CNOT11: variants seen among roughly 807,000 people sequenced by gnomAD.
The protein encoded by CNOT11 is CCR4-NOT transcription complex subunit 11, also known as UPF0760 protein C2orf29.
Under a neutral mutation model 44.6 loss-of-function variants are expected in CNOT11, and 18 were observed. The observed-to-expected ratio is 0.40, with a 90% CI of 0.28 to 0.60. CNOT11 has a LOEUF of 0.60. Ranked by LOEUF, CNOT11 falls within the 20% of genes least tolerant of loss-of-function variation. The pLI, the probability that CNOT11 is intolerant of heterozygous loss-of-function variation, is 0.38. For missense variants in CNOT11, 513 were observed against 677.0 expected, an observed-to-expected ratio of 0.76 and a Z score of 2.69; for synonymous variants, 291 against 270.9, an observed-to-expected ratio of 1.07 and a Z score of -0.73.
chr2:101,258,479 C>T (rs891593586), intron 2 of CNOT11, among the ~76,000 whole-genome samples: 8 of 151,874 alleles, frequency 5.3e-5, no homozygotes, highest in African/African-American at 1.9e-4. Context: ...CATGTAAATT[C>T]ATTTGGAGTT....
chr2:101,262,808 G>GT, intron 3 of CNOT11, 117 bp downstream of exon 3: 1 of 784,876 alleles, frequency 1.3e-6, no homozygotes. Context: ...TTGTAATTTA[G>GT]TGTGAATCTT....
Position 101,253,672 on chromosome 2 carries a change from CT to C in CNOT11, c.514+196del, listed in dbSNP as rs1681678036. Among the ~76,000 whole-genome samples, 1 of 152,380 alleles carries C rather than the reference CT, an allele frequency of 6.6e-6. No individual in the cohort carries two copies. The highest frequency in any genetic ancestry group is 2.4e-5 in the African/African-American group (1 of 41,590). On this transcript the variant is annotated intron_variant, in intron 1 of 6. Transcript: ENST00000289382. This position sits in a 1 kb window ranked among gnomAD's most constrained non-coding sequence, Gnocchi z 4.3. ...ACTCTAAAGAATGGAGAGGTGGTAG[CT>C]TAATTGCAAGTTCGTGACACCGAAA...
chr2:101,262,714 A>G, intron 3 of CNOT11, 23 bp downstream of exon 3: 1 of 1,600,176 alleles, frequency 6.2e-7, no homozygotes, highest in African/African-American at 1.3e-5. Context: ...AAATTAATTT[A>G]TACTCTTTGT....
Position 101,257,824 on chromosome 2 carries a change from T to G in CNOT11, c.548T>G (p.Phe183Cys), listed in dbSNP as rs1254067351. 2 of 1,613,674 alleles carry G rather than the reference T, an allele frequency of 1.2e-6. No individual in the cohort carries two copies. Among genetic ancestry groups the G allele is most frequent in the Non-Finnish European group, 1.7e-6 (2 of 1,179,866 alleles). ...CCTCCTATAACTCCACCAGAAAAGTTTTTTCTTTCCCAGCTGATGCTGGCA... is the reference window on the plus strand; with the variant it reads ...CCTCCTATAACTCCACCAGAAAAGTGTTTTCTTTCCCAGCTGATGCTGGCA... ...FLPPITPPEK[F>C]FLSQLMLAPP... The change falls in exon 2 of 7, where the codon TTT (phenylalanine) becomes TGT (cysteine). Residue 183 changes from phenylalanine (F) to cysteine (C), a missense_variant. This residue lies in a region of CNOT11 where 259 missense variants were observed against 265.7 expected (regional missense o/e 0.97). Transcript: ENST00000289382.
At chr2:101,262,401 A>G in intron 2 of CNOT11, 138 bp from the exon 3 acceptor site, 1 of 717,708 alleles carries the variant, frequency 1.4e-6, no homozygotes, top group Non-Finnish European at 2.4e-6. Flanking sequence ...CTATACGTAC[A>G]GACATACACA....
chr2:101,266,669 G>T lies in CNOT11; in HGVS notation c.1036-8G>T. The T allele has an allele frequency of 3.7e-6, 6 of 1,610,326 alleles. No homozygotes were observed. The highest frequency in any genetic ancestry group is 5.1e-6 in the Non-Finnish European group (6 of 1,176,660). ...CTCTCTCTCTCTTTAAAAATCTGGT[G>T]TATTTAGCTACTTGGTGAGTTGGAA... On this transcript the variant is annotated splice_polypyrimidine_tract_variant and splice_region_variant and intron_variant, in intron 4 of 6. Transcript: ENST00000289382.
chr2:101,261,859 T>TTC (rs1681870908), intron 2 of CNOT11, among the ~76,000 whole-genome samples: 1 of 145,118 alleles, frequency 6.9e-6, no homozygotes, highest in Non-Finnish European at 1.5e-5. Flanking sequence ...TTTTTTTTTT[T>TTC]TTTTTGAGAT....
At chr2:101,263,619 A>G (rs1681916257) in intron 3 of CNOT11, among the ~76,000 whole-genome samples, 1 of 152,236 alleles carries the variant, frequency 6.6e-6, no homozygotes, top group Non-Finnish European at 1.5e-5. Flanking sequence ...GAACATGTTT[A>G]CCAGATGATA....
At position 101,269,479 on chromosome 2, in the gene CNOT11, T is replaced by A; in HGVS notation, c.*66T>A. On this transcript the variant is annotated 3_prime_UTR_variant, in exon 7 of 7. Transcript: ENST00000289382. The surrounding 1 kb of genome is among the most constrained non-coding windows in gnomAD (Gnocchi z 4.8). ...TACTGTGATTTAGTTTTTACACCGT[T>A]AAAACCCTGAGTGGATTGCTTGGTT... The A allele has an allele frequency of 7.2e-7, 1 of 1,392,768 alleles. No individual in the cohort carries two copies. The highest frequency in any genetic ancestry group is 1.2e-5 in the South Asian group (1 of 83,956). The allele number at this position is 1,392,768 out of a possible 1,614,324, so 86.3% of individuals were successfully genotyped here. A position where few individuals can be genotyped will look rare whatever the true frequency, so the allele number is the denominator to read the frequency against.
rs1285175734 is a variant in CNOT11 at position 101,269,646 on chromosome 2, T to G, written c.*233T>G. On this transcript the variant is annotated 3_prime_UTR_variant, in exon 7 of 7. Transcript: ENST00000289382. The surrounding 1 kb of genome is among the most constrained non-coding windows in gnomAD (Gnocchi z 4.8). ...TGCTGATGACTATCCATAGGAGGAATGGCTATCCCAAAAAAAGTTCCGCAA... is the reference window on the plus strand; with the variant it reads ...TGCTGATGACTATCCATAGGAGGAAGGGCTATCCCAAAAAAAGTTCCGCAA... 5 of 372,712 alleles carry G rather than the reference T, an allele frequency of 1.3e-5. No individual in the cohort carries two copies. Among genetic ancestry groups the G allele is most frequent in the Non-Finnish European group, 2.4e-5 (5 of 209,720 alleles). 23.1% of individuals were successfully genotyped at this position (372,712 alleles called of 1,614,324 possible).
intron 1 of CNOT11, 122 bp from the exon 2 acceptor site, chr2:101,257,666 AATC>A: frequency 1.5e-6 from 1 of 686,870 alleles, no homozygotes; most frequent in South Asian, 2.0e-5. Flanking sequence ...ACTGAAACTT[AATC>A]ATAATTTAGT....
chr2:101,257,510 T>C (rs1681760809), intron 1 of CNOT11, among the ~76,000 whole-genome samples: 1 of 152,106 alleles, frequency 6.6e-6, no homozygotes, highest in South Asian at 2.1e-4. Flanking sequence ...TGTCTTTGAC[T>C]GCCAGGCTGC....
In CNOT11 at chr2:101,266,718, T is replaced by G; in HGVS notation, c.1077T>G (p.His359Gln). 6.2e-7 allele frequency: 1 copy of G among 1,614,164 alleles called. No individual in the cohort carries two copies. The highest frequency in any genetic ancestry group is 1.1e-5 in the South Asian group (1 of 91,088). ...ELEKDPKLVY[H>Q]IGLTPAKLPD... ...AAAAAGACCCCAAACTTGTCTACCA[T>G]ATTGGCCTCACCCCAGCCAAACTTC... is the stretch of plus-strand genomic sequence containing the variant. The change falls in exon 5 of 7, where the codon CAT (histidine) becomes CAG (glutamine). Residue 359 changes from histidine (H) to glutamine (Q), a missense_variant. His to Gln is a conservative substitution (Grantham distance 24). Transcript: ENST00000289382.
chr2:101,268,062 C>T (rs745603331), intron 5 of CNOT11, among the ~76,000 whole-genome samples: 2 of 152,144 alleles, frequency 1.3e-5, no homozygotes, highest in South Asian at 4.1e-4. Flanking sequence ...AGTGGAAGTA[C>T]GTGCATAGAA....
Position 101,253,609 on chromosome 2 carries a change from T to C in CNOT11, c.514+131T>C, listed in dbSNP as rs141905493. On this transcript the variant is annotated intron_variant, in intron 1 of 6. Transcript: ENST00000289382. This position sits in a 1 kb window ranked among gnomAD's most constrained non-coding sequence, Gnocchi z 4.3. ...AATGATCATCCTCTTTTTCCGCCTC[T>C]CTCTGCGTTCCCACGCCCCTCACTC... 981 of 916,590 alleles carry C rather than the reference T, an allele frequency of 1.1e-3. 7 individuals carry two copies. In the African/African-American group the frequency reaches 0.016, roughly 15 times the overall value. 56.8% of individuals were successfully genotyped at this position (916,590 alleles called of 1,614,324 possible).
rs1681948006 is a variant in CNOT11, at chr2:101,264,934, C to T, written c.922C>T (p.His308Tyr). Residue 308 changes from histidine (H) to tyrosine (Y), a missense_variant, in exon 4 of 7, where the codon CAC becomes TAC. Physicochemically the swap from His to Tyr is moderately conservative, Grantham distance 83. Around this residue, in one of 4 missense-constraint regions of CNOT11, gnomAD observed 140 missense variants for 169.8 expected, o/e 0.82. Transcript: ENST00000289382. ...LAWLNPTEPD[H>Y]AIQWDKSMCV... ...TTGGCTAAACCCCACGGAGCCTGAC[C>T]ACGCGATCCAGTGGGATAAATCGAT... The T allele has an allele frequency of 6.2e-7, 1 of 1,614,108 alleles. No homozygotes were observed. Among genetic ancestry groups the T allele is most frequent in the East Asian group, 2.2e-5 (1 of 44,876 alleles).
intron 3 of CNOT11, among the ~76,000 whole-genome samples, chr2:101,264,334 G>A (rs546115272): frequency 6.6e-6 from 1 of 152,238 alleles, no homozygotes; most frequent in Admixed American, 6.5e-5. Flanking sequence ...CATTCGTTTC[G>A]AAATATCAAA....
At position 101,253,321 on chromosome 2, in the gene CNOT11, T is replaced by G; in HGVS notation, c.357T>G (p.Pro119=). 1 of 1,607,744 alleles carries G rather than the reference T, an allele frequency of 6.2e-7. No homozygotes were observed. Among genetic ancestry groups the G allele is most frequent in the Non-Finnish European group, 8.5e-7 (1 of 1,179,216 alleles). The part of the protein sequence containing the change: ...VMLLQQPDLL[P]SAAQRLTALY... ...TGCTCCAGCAGCCCGACCTGCTGCC[T>G]AGCGCGGCGCAGCGCCTCACGGCGC... Residue 119 remains proline (P), a synonymous_variant, in exon 1 of 7, where the codon CCT becomes CCG. Transcript: ENST00000289382. The surrounding 1 kb of genome is among the most constrained non-coding windows in gnomAD (Gnocchi z 4.3).
At chr2:101,261,706 A>G (rs1681866656) in intron 2 of CNOT11, among the ~76,000 whole-genome samples, 2 of 152,116 alleles carry the variant, frequency 1.3e-5, no homozygotes. Context: ...ATGTTATAGT[A>G]TCTTGTGTTT....
Sources: allele counts gnomAD v4.1 joint callset (sites outside exome capture counted in the v4.1 genomes callset), GRCh38; gene constraint gnomAD v4.1.1; regional missense constraint gnomAD v4.1.1; non-coding constraint Gnocchi (gnomAD v3.1); transcripts MANE v1.5; gene names NCBI Gene and HGNC (gene_info 2026-07-23, HGNC 2026-07-21).